GPC5: variants seen among roughly 807,000 people sequenced by gnomAD.
GPC5 encodes glypican-5.
A neutral mutation model predicts 53.9 loss-of-function variants in GPC5; 47 were observed. The observed-to-expected ratio is 0.87, with a 90% CI of 0.69 to 1.11. GPC5 has a LOEUF of 1.11. Ranked by LOEUF, GPC5 falls within the 50% of genes most tolerant of loss-of-function variation. The pLI is 0.00. For missense variants in GPC5, 748 were observed against 713.1 expected (o/e 1.05, Z -0.56); for synonymous variants, 286 against 263.3 (o/e 1.09, Z -0.84).
chr13:92,602,518 G>C (rs1380144408), intron 7 of GPC5, among the ~76,000 whole-genome samples: 2 of 151,854 alleles, frequency 1.3e-5, no homozygotes, highest in African/African-American at 4.8e-5. Flanking sequence ...TCACTAAAGG[G>C]CTACTAAGGC....
intron 7 of GPC5, among the ~76,000 whole-genome samples, chr13:92,806,468 A>T (rs1877104482): frequency 6.6e-6 from 1 of 151,974 alleles, no homozygotes; most frequent in Non-Finnish European, 1.5e-5. Flanking sequence ...TGAATTCACA[A>T]CTCGGCTTAC....
At chr13:92,228,488 G>A (rs555412085) in intron 7 of GPC5, among the ~76,000 whole-genome samples, 38 of 152,078 alleles carry the variant, frequency 2.5e-4, no homozygotes, top group African/African-American at 8.4e-4. Context: ...AAGAAAAAAA[G>A]TTACACGAAT....
At chr13:91,954,273 A>C (rs114915485) in intron 6 of GPC5, among the ~76,000 whole-genome samples, 178 of 152,312 alleles carry the variant, frequency 1.2e-3, no homozygotes, top group African/African-American at 4.2e-3. Context: ...AGAATGTTAA[A>C]GAGATTGCAA....
chr13:92,559,048 C>CT (rs1177982740), intron 7 of GPC5, among the ~76,000 whole-genome samples: 1 of 151,928 alleles, frequency 6.6e-6, no homozygotes, highest in Non-Finnish European at 1.5e-5. Context: ...AGGACCTCCT[C>CT]TTTCAAATCC....
intron 2 of GPC5, among the ~76,000 whole-genome samples, chr13:91,645,200 G>A (rs1008820129): frequency 6.6e-6 from 1 of 152,162 alleles, no homozygotes; most frequent in Non-Finnish European, 1.5e-5. Context: ...ATTTTCTCCT[G>A]TGAGTTTAGT....
chr13:92,605,413 AAATT>A (rs1884215980), intron 7 of GPC5, among the ~76,000 whole-genome samples: 1 of 152,170 alleles, frequency 6.6e-6, no homozygotes, highest in Non-Finnish European at 1.5e-5. Context: ...CCCCTAAAAT[AAATT>A]ATGTATGATG....
intron 7 of GPC5, among the ~76,000 whole-genome samples, chr13:92,746,275 G>T (rs1435225362): frequency 6.6e-6 from 1 of 151,974 alleles, no homozygotes; most frequent in African/African-American, 2.4e-5. Context: ...AATCATTTCT[G>T]GCTTCAGTCT....
At chr13:92,273,600 C>A (rs2042854864) in intron 7 of GPC5, among the ~76,000 whole-genome samples, 1 of 151,804 alleles carries the variant, frequency 6.6e-6, no homozygotes, top group East Asian at 1.9e-4. Flanking sequence ...AAGGAAATTC[C>A]CCTCCCTGAA....
intron 7 of GPC5, among the ~76,000 whole-genome samples, chr13:92,764,539 G>T (rs1875318585): frequency 6.6e-6 from 1 of 152,190 alleles, no homozygotes; most frequent in African/African-American, 2.4e-5. Flanking sequence ...TGTCCAAGGT[G>T]GTTATGGGGG....
chr13:92,520,443 C>G (rs1294517520), intron 7 of GPC5, among the ~76,000 whole-genome samples: 1 of 152,046 alleles, frequency 6.6e-6, no homozygotes, highest in Non-Finnish European at 1.5e-5. Context: ...TGATCAAGTG[C>G]ACTTCATCCC....
In GPC5 at chr13:91,601,314, T is replaced by G. The variant is rs1392271597; in HGVS notation, c.326-91873T>G. 2.0e-5 allele frequency among the ~76,000 whole-genome samples: 3 copies of G among 152,198 alleles called. No homozygotes were observed. The East Asian group carries it at 5.8e-4, about 29-fold the overall frequency. ...TAATGAAATTTATCCCATCTTGGAC[T>G]TAGGTTTTTCTCACAAAGCATAGAA... On this transcript the variant is annotated intron_variant, in intron 2 of 7. Transcript: ENST00000377067.
intron 7 of GPC5, among the ~76,000 whole-genome samples, chr13:92,292,634 G>A (rs930375109): frequency 2.6e-5 from 4 of 151,406 alleles, no homozygotes; most frequent in East Asian, 3.9e-4. Flanking sequence ...CTGTTTACTC[G>A]GCTATTTCTT....
At chr13:92,683,297 C>G (rs1887162734) in intron 7 of GPC5, among the ~76,000 whole-genome samples, 1 of 152,192 alleles carries the variant, frequency 6.6e-6, no homozygotes, top group Non-Finnish European at 1.5e-5. Flanking sequence ...GCCAGACAGT[C>G]TGTTCCTTGG....
intron 7 of GPC5, among the ~76,000 whole-genome samples, chr13:92,291,058 C>T (rs547499777): frequency 1.6e-4 from 25 of 152,266 alleles, no homozygotes; most frequent in Non-Finnish European, 3.5e-4. Flanking sequence ...CTCAATTTCT[C>T]GCCGGGCCTT....
chr13:92,289,106 A>T (rs2042976634), intron 7 of GPC5, among the ~76,000 whole-genome samples: 1 of 151,830 alleles, frequency 6.6e-6, no homozygotes, highest in Non-Finnish European at 1.5e-5. Context: ...AAAAAGCCCT[A>T]ATAAGAGTAG....
intron 2 of GPC5, among the ~76,000 whole-genome samples, chr13:91,528,465 G>A (rs1193217544): frequency 1.3e-5 from 2 of 152,126 alleles, no homozygotes; most frequent in Non-Finnish European, 2.9e-5. Flanking sequence ...CCTCAGCCTG[G>A]ACTTCATTGT....
In GPC5 at chr13:92,476,169, T is replaced by A. The variant is rs551904596; in HGVS notation, c.1561+331180T>A. Reference sequence around the variant, plus strand: ...TCTGACAAAGGGCTAACATTCAGAATCTACAATGAACTCAAACAAATTTAC... The same window carrying A: ...TCTGACAAAGGGCTAACATTCAGAAACTACAATGAACTCAAACAAATTTAC... On this transcript the variant is annotated intron_variant, in intron 7 of 7. Coordinates refer to ENST00000377067, the MANE Select transcript of GPC5 (RefSeq NM_004466.6). 5.9e-5 allele frequency among the ~76,000 whole-genome samples: 9 copies of A among 152,246 alleles called. 1 individual carries two copies. Among genetic ancestry groups the A allele is most frequent in the Admixed American group, 5.9e-4 (9 of 15,286 alleles).
intron 7 of GPC5, among the ~76,000 whole-genome samples, chr13:92,615,779 G>T (rs897572700): frequency 8.5e-5 from 13 of 152,070 alleles, no homozygotes; most frequent in African/African-American, 2.9e-4. Flanking sequence ...ACCAGGCTGG[G>T]CGCGGTGGCT....
At chr13:91,744,753 A>C (rs1397466715) in intron 4 of GPC5, among the ~76,000 whole-genome samples, 1 of 152,128 alleles carries the variant, frequency 6.6e-6, no homozygotes, top group East Asian at 1.9e-4. Flanking sequence ...TTTATTGTTA[A>C]AATGTTAGCA....
Sources: allele counts gnomAD v4.1 joint callset (sites outside exome capture counted in the v4.1 genomes callset), GRCh38; gene constraint gnomAD v4.1.1; transcripts MANE v1.5; gene names NCBI Gene and HGNC (gene_info 2026-07-23, HGNC 2026-07-21).